Variants in EYA4 observed in about 807,000 individuals in gnomAD.
The protein encoded by EYA4 is protein phosphatase EYA4.
In EYA4, 31 loss-of-function variants were observed where a neutral mutation model predicts 87.9. The observed-to-expected ratio is 0.35, with a 90% CI of 0.27 to 0.48. The LOEUF is 0.48. EYA4 is among the 20% of genes least tolerant of loss of function. The pLI, the probability that EYA4 is intolerant of heterozygous loss-of-function variation, is 0.99. For synonymous variants in EYA4, 263 were observed against 270.6 expected (o/e 0.97, Z 0.28); for missense variants, 678 against 761.4 (o/e 0.89, Z 1.29).
chr6:133,389,898 T>G (rs1465953363), intron 3 of EYA4, among the ~76,000 whole-genome samples: 1 of 152,152 alleles, frequency 6.6e-6, no homozygotes, highest in Non-Finnish European at 1.5e-5. Context: ...ACTATGAAAG[T>G]TCAGAATCTT....
rs1583345013 is a variant in EYA4 at position 133,462,254 on chromosome 6, A to G, written c.438-81A>G. On this transcript the variant is annotated intron_variant, in intron 7 of 19. Transcript: ENST00000355286. ...TAAAGAGGATTACTTCCTGGATATTATAGGGTTTCACTGAATCTAGGCTGT... is the reference window on the plus strand; with the variant it reads ...TAAAGAGGATTACTTCCTGGATATTGTAGGGTTTCACTGAATCTAGGCTGT... The G allele has an allele frequency of 9.9e-6, 14 of 1,410,172 alleles. No individual in the cohort carries two copies. The South Asian group carries it at 1.4e-4, about 14-fold the overall frequency. 87.4% of individuals were successfully genotyped at this position (1,410,172 alleles called of 1,614,324 possible). A position where few individuals can be genotyped will look rare whatever the true frequency, so the allele number is the denominator to read the frequency against.
intron 13 of EYA4, among the ~76,000 whole-genome samples, chr6:133,483,599 C>T (rs555959234): frequency 6.6e-6 from 1 of 151,726 alleles, no homozygotes; most frequent in East Asian, 1.9e-4. Context: ...AGGTAACACC[C>T]CCTCCCATAC....
chr6:133,486,369 C>G (rs954964163), intron 13 of EYA4, among the ~76,000 whole-genome samples: 7 of 149,186 alleles, frequency 4.7e-5, no homozygotes, highest in African/African-American at 1.8e-4. Context: ...CCACAGACAC[C>G]TCAGGGTTCA....
chr6:133,447,125 G>A (rs1792926812), intron 4 of EYA4, among the ~76,000 whole-genome samples: 1 of 151,772 alleles, frequency 6.6e-6, no homozygotes, highest in Non-Finnish European at 1.5e-5. Context: ...ACTACTTTTT[G>A]GTTTTATTTT....
intron 2 of EYA4, among the ~76,000 whole-genome samples, chr6:133,292,816 T>C (rs747806106): frequency 6.6e-6 from 1 of 152,232 alleles, no homozygotes; most frequent in Non-Finnish European, 1.5e-5. Context: ...TTTTCCTGAA[T>C]GTCAACCCTT....
Position 133,530,061 on chromosome 6 carries a change from G to T in EYA4, c.*1256G>T. 2.0e-6 allele frequency: 2 copies of T among 985,022 alleles called. No individual in the cohort carries two copies. The highest frequency in any genetic ancestry group is 2.4e-6 in the Non-Finnish European group (2 of 829,582). 61.0% of individuals were successfully genotyped at this position (985,022 alleles called of 1,614,324 possible). A position where few individuals can be genotyped will look rare whatever the true frequency, so the allele number is the denominator to read the frequency against. On this transcript the variant is annotated 3_prime_UTR_variant, in exon 20 of 20. Transcript: ENST00000355286. ...AAAAATGATAATATCATCAGAAATGGAAGGCAGTTCTCCCAGATGGTGTCT... is the reference window on the plus strand; with the variant it reads ...AAAAATGATAATATCATCAGAAATGTAAGGCAGTTCTCCCAGATGGTGTCT...
At chr6:133,339,969 AAAC>A (rs1782661539) in intron 2 of EYA4, among the ~76,000 whole-genome samples, 1 of 152,152 alleles carries the variant, frequency 6.6e-6, no homozygotes, top group South Asian at 2.1e-4. Flanking sequence ...TAGTTGCTAA[AAAC>A]AACAAGTAGG....
At chr6:133,292,958 AC>A (rs1340001269) in intron 2 of EYA4, among the ~76,000 whole-genome samples, 1 of 152,208 alleles carries the variant, frequency 6.6e-6, no homozygotes, top group African/African-American at 2.4e-5. Context: ...AAAGAACTTG[AC>A]ACTCACTGTC....
rs560604864 is a variant in EYA4 at position 133,450,206 on chromosome 6, C to T, written c.277+2027C>T. ...TTCACCGTGTTAGCCAGGGCGGTCTCGATCTCCTGACTTCGTGATCGGCCC... is the reference window on the plus strand; with the variant it reads ...TTCACCGTGTTAGCCAGGGCGGTCTTGATCTCCTGACTTCGTGATCGGCCC... On this transcript the variant is annotated intron_variant, in intron 5 of 19. Coordinates refer to ENST00000355286, the MANE Select transcript of EYA4 (RefSeq NM_004100.5). Among the ~76,000 whole-genome samples, 17 of 152,118 alleles carry T rather than the reference C, an allele frequency of 1.1e-4. No homozygotes were observed. In the South Asian group the frequency reaches 2.3e-3, roughly 20 times the overall value.
At chr6:133,512,296 A>G (rs1314019484) in intron 14 of EYA4, among the ~76,000 whole-genome samples, 1 of 152,168 alleles carries the variant, frequency 6.6e-6, no homozygotes, top group East Asian at 1.9e-4. Context: ...GTTGCCACTC[A>G]ACAAATGATA....
intron 1 of EYA4, among the ~76,000 whole-genome samples, chr6:133,260,125 T>C (rs553294330): frequency 6.6e-6 from 1 of 152,350 alleles, no homozygotes; most frequent in East Asian, 1.9e-4. Flanking sequence ...TGTGTCTGTT[T>C]TAAGTATACC....
intron 9 of EYA4, among the ~76,000 whole-genome samples, chr6:133,463,463 C>G (rs746017555): frequency 3.3e-5 from 5 of 150,172 alleles, no homozygotes; most frequent in African/African-American, 9.8e-5. Context: ...TGGGTTCAAG[C>G]GATTCTCCTG....
chr6:133,531,302 C>A lies in EYA4; in HGVS notation c.*2497C>A. 1 of 1,145,596 alleles carries A rather than the reference C, an allele frequency of 8.7e-7. No homozygotes were observed. The highest frequency in any genetic ancestry group is 1.3e-6 in the Non-Finnish European group (1 of 792,756). The allele number at this position is 1,145,596 out of a possible 1,614,324, so 71.0% of individuals were successfully genotyped here. On this transcript the variant is annotated 3_prime_UTR_variant, in exon 20 of 20. Coordinates refer to ENST00000355286, the MANE Select transcript of EYA4 (RefSeq NM_004100.5). ...GCAGGCCCACGAGCCAGCATCACAGCTTGGCCATGGGACGTTGAGTATGCA... is the reference window on the plus strand; with the variant it reads ...GCAGGCCCACGAGCCAGCATCACAGATTGGCCATGGGACGTTGAGTATGCA...
At chr6:133,415,532 G>A (rs952863151) in intron 3 of EYA4, among the ~76,000 whole-genome samples, 33 of 152,002 alleles carry the variant, frequency 2.2e-4, no homozygotes, top group African/African-American at 8.0e-4. Flanking sequence ...CTTCCCTCTG[G>A]TATCTGCATG....
At chr6:133,498,722 A>G (rs779298050) in intron 13 of EYA4, among the ~76,000 whole-genome samples, 9 of 152,210 alleles carry the variant, frequency 5.9e-5, no homozygotes, top group African/African-American at 1.7e-4. Flanking sequence ...ATGTGTATGT[A>G]TATAGTGTGT....
At chr6:133,313,128 C>T (rs186519139) in intron 2 of EYA4, among the ~76,000 whole-genome samples, 162 of 152,280 alleles carry the variant, frequency 1.1e-3, no homozygotes, top group African/African-American at 3.6e-3. Flanking sequence ...ATAGAAGTTA[C>T]ATATTGGACT....
In EYA4 at chr6:133,426,928, G is replaced by A. The variant is rs159406; in HGVS notation, c.84-19702G>A. Among the ~76,000 whole-genome samples the A allele has an allele frequency of 2.9e-3, 440 of 152,254 alleles. 2 individuals carry two copies. The highest frequency in any genetic ancestry group is 4.6e-3 in the Non-Finnish European group (312 of 68,026). The stretch of plus-strand genomic sequence containing the variant: ...ACTATAGCAATTTGCTATTCAAAGC[G>A]AATAGAAGTTACAATGTACATATTT... On this transcript the variant is annotated intron_variant, in intron 3 of 19. Transcript: ENST00000355286.
chr6:133,369,444 T>C (rs907181881), intron 2 of EYA4, among the ~76,000 whole-genome samples: 5 of 152,140 alleles, frequency 3.3e-5, no homozygotes, highest in Non-Finnish European at 7.4e-5. Flanking sequence ...TTTATAATTG[T>C]GTTCATCCCT....
chr6:133,315,178 G>A (rs1385743287), intron 2 of EYA4, among the ~76,000 whole-genome samples: 2 of 152,186 alleles, frequency 1.3e-5, no homozygotes, highest in Middle Eastern at 3.4e-3. Context: ...TTTCATTTTT[G>A]AGGCCACTAA....
Sources: gnomAD v4.1 joint callset for allele counts (sites outside exome capture counted in the v4.1 genomes callset) on GRCh38, gnomAD v4.1.1 for gene constraint, MANE v1.5 for transcripts, NCBI Gene and HGNC (gene_info 2026-07-23, HGNC 2026-07-21) for gene names.